The following CNTN6 variants were observed in gnomAD, a reference collection of about 807,000 sequenced individuals.
CNTN6 encodes contactin 6, also known as contactin-6.
CNTN6 carries 137 observed loss-of-function variants against 122.8 expected under a neutral mutation model. That is an observed-to-expected ratio of 1.12 (90% CI 0.97 to 1.29). The LOEUF (loss-of-function observed/expected upper bound fraction) is 1.29, where lower values mean the gene tolerates loss of function less well. Among genes scored for constraint, CNTN6 ranks in the 50% most tolerant of loss-of-function variants. CNTN6 has a pLI of 0.00. For synonymous variants in CNTN6, 570 were observed against 426.0 expected, an observed-to-expected ratio of 1.34 and a Z score of -4.16; for missense variants, 1,634 against 1,223.4, an observed-to-expected ratio of 1.34 and a Z score of -5.01.
chr3:1,220,095 C>T (rs917557487), intron 2 of CNTN6, among the ~76,000 whole-genome samples: 4 of 152,056 alleles, frequency 2.6e-5, no homozygotes, highest in African/African-American at 9.7e-5. Context: ...GTGGCTTAAT[C>T]CTGTAATCCC....
At chr3:1,152,126 ATTTGTTTGTTTG>A (rs202136944) in intron 2 of CNTN6, among the ~76,000 whole-genome samples, 2 of 141,518 alleles carry the variant, frequency 1.4e-5, no homozygotes, top group Non-Finnish European at 2.9e-5. Flanking sequence ...TTATTTATAT[ATTTGTTTGTTTG>A]TTTGTTTGTT....
chr3:1,280,060 TA>T (rs1693100224), intron 5 of CNTN6, among the ~76,000 whole-genome samples: 1 of 152,174 alleles, frequency 6.6e-6, no homozygotes, highest in South Asian at 2.1e-4. Context: ...GATGACAAAA[TA>T]TGCAAAATGG....
At chr3:1,149,648 C>G (rs2092797007) in intron 2 of CNTN6, among the ~76,000 whole-genome samples, 1 of 152,066 alleles carries the variant, frequency 6.6e-6, no homozygotes, top group South Asian at 2.1e-4. Flanking sequence ...ACCTCTAAGT[C>G]TCTGTAACAA....
At chr3:1,180,496 G>A (rs6806307) in intron 2 of CNTN6, among the ~76,000 whole-genome samples, 56,687 of 151,998 alleles carry the variant, frequency 0.37, 10,743 homozygotes, top group South Asian at 0.5. Context: ...TAATCCTGCT[G>A]ACTCTATTTT....
chr3:1,096,369 A>G (rs79548978), intron 1 of CNTN6, among the ~76,000 whole-genome samples: 2 of 151,916 alleles, frequency 1.3e-5, no homozygotes, highest in Non-Finnish European at 2.9e-5. Flanking sequence ...AGATTCTTTT[A>G]TTTTAGGATT....
chr3:1,281,692 C>T (rs569261183), intron 5 of CNTN6, among the ~76,000 whole-genome samples: 10 of 152,232 alleles, frequency 6.6e-5, no homozygotes, highest in Admixed American at 2.0e-4. Flanking sequence ...CCCGCCTCGG[C>T]CTCCCAAAGT....
chr3:1,200,443 C>T (rs1024670006), intron 2 of CNTN6, among the ~76,000 whole-genome samples: 1 of 152,140 alleles, frequency 6.6e-6, no homozygotes, highest in African/African-American at 2.4e-5. Context: ...ATCTGTGGTA[C>T]CTCTAAAGCT....
At chr3:1,131,731 C>A (rs1244447739) in intron 1 of CNTN6, among the ~76,000 whole-genome samples, 1 of 152,078 alleles carries the variant, frequency 6.6e-6, no homozygotes, top group Non-Finnish European at 1.5e-5. Flanking sequence ...GTAGATAAAT[C>A]TTCCTAGAAC....
intron 2 of CNTN6, among the ~76,000 whole-genome samples, chr3:1,152,063 C>T (rs2092855793): frequency 6.6e-6 from 1 of 152,116 alleles, no homozygotes; most frequent in Non-Finnish European, 1.5e-5. Flanking sequence ...TGTAAGTCTA[C>T]TTTTTGTCTT....
chr3:1,331,090 A>T (rs1191741220), intron 11 of CNTN6, among the ~76,000 whole-genome samples: 2 of 151,924 alleles, frequency 1.3e-5, no homozygotes, highest in South Asian at 2.1e-4. Flanking sequence ...AAACAAACAA[A>T]AGCAGGGGTC....
Position 1,383,001 on chromosome 3 carries a change from A to G in CNTN6, c.2226A>G (p.Pro742=). The part of the protein sequence containing the change: ...EGFGYIIMFR[P]VGSTTWSKEK... ...TTGGATATATCATCATGTTCCGGCC[A>G]GTGGGCTCGACAACCTGGTCCAAGG... Residue 742 remains proline (P), a synonymous_variant, in exon 18 of 23, where the codon CCA becomes CCG. Coordinates refer to ENST00000446702, the MANE Select transcript of CNTN6 (RefSeq NM_001289080.2). 6.2e-7 allele frequency: 1 copy of G among 1,614,142 alleles called. No individual in the cohort carries two copies. Among genetic ancestry groups the G allele is most frequent in the Non-Finnish European group, 8.5e-7 (1 of 1,179,974 alleles).
intron 7 of CNTN6, among the ~76,000 whole-genome samples, chr3:1,309,788 C>T (rs902999250): frequency 6.6e-5 from 10 of 152,106 alleles, no homozygotes; most frequent in East Asian, 3.9e-4. Flanking sequence ...CCGCTTATTT[C>T]GATCTCTTTT....
At position 1,148,047 on chromosome 3, in the gene CNTN6, C is replaced by A; in HGVS notation, c.39C>A (p.Leu13=). The A allele has an allele frequency of 1.9e-6, 3 of 1,608,102 alleles. No homozygotes were observed. Among genetic ancestry groups the A allele is most frequent in the Non-Finnish European group, 2.6e-6 (3 of 1,175,574 alleles). Reference sequence around the variant, plus strand: ...GGAAACTGGTAATTCTGCTGCCACTCATAAACTCTTCTGCAGGTAAAGTGT... The same window carrying A: ...GGAAACTGGTAATTCTGCTGCCACTAATAAACTCTTCTGCAGGTAAAGTGT... ...LLWKLVILLP[L]INSSAGDGLL... The change falls in exon 2 of 23, where the codon CTC becomes CTA. Residue 13 remains leucine, a synonymous_variant. Coordinates refer to ENST00000446702, the MANE Select transcript of CNTN6 (RefSeq NM_001289080.2).
intron 11 of CNTN6, among the ~76,000 whole-genome samples, chr3:1,348,312 G>A (rs1647704244): frequency 1.3e-5 from 2 of 151,876 alleles, no homozygotes; most frequent in Non-Finnish European, 2.9e-5. Flanking sequence ...TGCACAGGAT[G>A]GCACAAGAAA....
chr3:1,210,832 A>G (rs1328741906), intron 2 of CNTN6, among the ~76,000 whole-genome samples: 1 of 152,270 alleles, frequency 6.6e-6, no homozygotes, highest in Non-Finnish European at 1.5e-5. Context: ...GCATTAAAAT[A>G]TAAAATGTTT....
chr3:1,151,678 G>A (rs1045231315), intron 2 of CNTN6, among the ~76,000 whole-genome samples: 3 of 152,168 alleles, frequency 2.0e-5, no homozygotes, highest in African/African-American at 7.2e-5. Context: ...CATAGTCCCT[G>A]CCCTCTTCAA....
intron 4 of CNTN6, among the ~76,000 whole-genome samples, chr3:1,251,039 C>A (rs1203753246): frequency 6.6e-6 from 1 of 152,194 alleles, no homozygotes; most frequent in Non-Finnish European, 1.5e-5. Context: ...TCCAACATTT[C>A]TTGAAGATTT....
At chr3:1,305,019 T>C (rs1196374552) in intron 7 of CNTN6, among the ~76,000 whole-genome samples, 2 of 141,084 alleles carry the variant, frequency 1.4e-5, no homozygotes, top group African/African-American at 5.1e-5. Flanking sequence ...ATTCAAAAGA[T>C]AAACTTGTAA....
At chr3:1,316,796 G>A (rs549062982) in intron 7 of CNTN6, among the ~76,000 whole-genome samples, 44 of 151,830 alleles carry the variant, frequency 2.9e-4, no homozygotes, top group African/African-American at 8.0e-4. Context: ...ATTAAAGCTC[G>A]CTACTAAAAT....
Sources: gnomAD v4.1 joint callset for allele counts (sites outside exome capture counted in the v4.1 genomes callset) on GRCh38, gnomAD v4.1.1 for gene constraint, MANE v1.5 for transcripts, NCBI Gene and HGNC (gene_info 2026-07-23, HGNC 2026-07-21) for gene names.